Variants in TAFA2 observed in about 807,000 individuals in gnomAD.
The protein encoded by TAFA2 is chemokine-like protein TAFA-2.
Under a neutral mutation model 18.8 loss-of-function variants are expected in TAFA2, and 7 were observed. That is an observed-to-expected ratio of 0.37 (90% CI 0.21 to 0.70). The LOEUF is 0.70. TAFA2 is among the 30% of genes least tolerant of loss of function. The pLI is 0.53. For synonymous variants in TAFA2, 60 were observed against 54.2 expected (o/e 1.11, Z -0.47); for missense variants, 122 against 158.1 (o/e 0.77, Z 1.23).
intron 1 of TAFA2, among the ~76,000 whole-genome samples, chr12:61,888,844 C>T (rs1198690179): frequency 2.0e-5 from 3 of 152,152 alleles, no homozygotes; most frequent in Admixed American, 2.0e-4. Context: ...GAGTTCTGCT[C>T]TAGTATAAAC....
chr12:62,224,851 T>C (rs576602669), intron 1 of TAFA2, among the ~76,000 whole-genome samples: 2 of 152,182 alleles, frequency 1.3e-5, no homozygotes, highest in African/African-American at 2.4e-5. Flanking sequence ...ATTGATAAAA[T>C]AGTAAATTTT....
chr12:61,787,270 T>C (rs998897291), intron 2 of TAFA2, among the ~76,000 whole-genome samples: 4 of 151,554 alleles, frequency 2.6e-5, no homozygotes, highest in Non-Finnish European at 4.4e-5. Context: ...CAAAAGCTGG[T>C]CTTCTTCACC....
chr12:61,912,877 C>T (rs769857397), intron 1 of TAFA2, among the ~76,000 whole-genome samples: 28 of 152,246 alleles, frequency 1.8e-4, no homozygotes, highest in South Asian at 6.2e-4. Context: ...TGTGTAAGAG[C>T]TTGTAAGTTT....
chr12:61,976,601 C>T (rs1028139442), intron 1 of TAFA2, among the ~76,000 whole-genome samples: 2 of 151,868 alleles, frequency 1.3e-5, no homozygotes, highest in Admixed American at 6.6e-5. Flanking sequence ...AGGTTTGTTA[C>T]ATATGTATAT....
At chr12:61,941,549 A>C (rs976761201) in intron 1 of TAFA2, among the ~76,000 whole-genome samples, 25 of 152,324 alleles carry the variant, frequency 1.6e-4, no homozygotes, top group East Asian at 3.9e-4. Context: ...TACCGGGTTC[A>C]TCTCACTAGG....
intron 2 of TAFA2, among the ~76,000 whole-genome samples, chr12:61,831,735 T>C (rs998983084): frequency 8.5e-5 from 13 of 152,102 alleles, no homozygotes; most frequent in Non-Finnish European, 1.5e-5. Flanking sequence ...AGTTCTAGGG[T>C]ACATGTGCAC....
chr12:62,052,991 G>T (rs10506433), intron 1 of TAFA2, among the ~76,000 whole-genome samples: 15,192 of 152,188 alleles, frequency 0.1, 981 homozygotes, highest in Non-Finnish European at 0.14. Flanking sequence ...AGGTGAAAAG[G>T]TTAGTGGGTC....
intron 4 of TAFA2, among the ~76,000 whole-genome samples, chr12:61,746,498 C>A (rs1239890554): frequency 6.6e-5 from 10 of 152,052 alleles, no homozygotes; most frequent in Admixed American, 5.2e-4. Context: ...GAAGTGGATT[C>A]TCCCCAAAGT....
intron 1 of TAFA2, among the ~76,000 whole-genome samples, chr12:62,158,619 G>T (rs1233494668): frequency 1.3e-5 from 2 of 152,140 alleles, no homozygotes; most frequent in African/African-American, 4.8e-5. Context: ...TGCAAACTTT[G>T]GTTCTGTTCT....
intron 1 of TAFA2, among the ~76,000 whole-genome samples, chr12:62,144,580 A>T (rs1259337486): frequency 1.3e-5 from 2 of 152,236 alleles, no homozygotes; most frequent in Non-Finnish European, 2.9e-5. Flanking sequence ...GCCACAGAGC[A>T]ACTCTACTGA....
chr12:62,016,385 T>C (rs967337462), intron 1 of TAFA2, among the ~76,000 whole-genome samples: 1 of 152,152 alleles, frequency 6.6e-6, no homozygotes, highest in Admixed American at 6.5e-5. Context: ...TTCTCTCACC[T>C]CCAAAACACA....
intron 1 of TAFA2, among the ~76,000 whole-genome samples, chr12:62,241,246 A>G (rs1404183024): frequency 2.0e-5 from 3 of 152,204 alleles, no homozygotes; most frequent in Non-Finnish European, 2.9e-5. Context: ...AAGATAGGAA[A>G]TACTAGCAAT....
chr12:62,256,922 A>G (rs990711980), intron 1 of TAFA2, among the ~76,000 whole-genome samples: 8 of 152,120 alleles, frequency 5.3e-5, no homozygotes, highest in East Asian at 1.9e-4. Flanking sequence ...ATACAATTAC[A>G]TAAGATAAAA....
intron 4 of TAFA2, among the ~76,000 whole-genome samples, chr12:61,748,068 A>G (rs1002469855): frequency 2.0e-5 from 3 of 152,058 alleles, no homozygotes; most frequent in Middle Eastern, 3.4e-3. Context: ...GTGTTTTTCA[A>G]TCTACAGGTT....
At chr12:62,213,163 T>C (rs78037527) in intron 1 of TAFA2, among the ~76,000 whole-genome samples, 9,519 of 152,236 alleles carry the variant, frequency 0.063, 408 homozygotes, top group African/African-American at 0.11. Flanking sequence ...CATTCCCTTC[T>C]TACTTGGGTA....
At chr12:61,999,157 T>C (rs1282881209) in intron 1 of TAFA2, among the ~76,000 whole-genome samples, 1 of 152,188 alleles carries the variant, frequency 6.6e-6, no homozygotes, top group African/African-American at 2.4e-5. Flanking sequence ...TTCTATTTAA[T>C]TCTAGGGGGT....
chr12:62,038,509 T>C (rs1052004789), intron 1 of TAFA2, among the ~76,000 whole-genome samples: 1 of 152,174 alleles, frequency 6.6e-6, no homozygotes, highest in African/African-American at 2.4e-5. Context: ...CTAGTGATCA[T>C]TTAAATTTTA....
At chr12:61,898,559 T>C (rs1047504536) in intron 1 of TAFA2, among the ~76,000 whole-genome samples, 5 of 152,176 alleles carry the variant, frequency 3.3e-5, no homozygotes, top group African/African-American at 1.2e-4. Context: ...GCTTGGGGCT[T>C]CCACCCCATG....
intron 1 of TAFA2, among the ~76,000 whole-genome samples, chr12:62,113,309 C>G (rs1869817537): frequency 6.6e-6 from 1 of 152,190 alleles, no homozygotes; most frequent in Non-Finnish European, 1.5e-5. Context: ...GTATCACCAG[C>G]AGAAGCTGCA....
Sources: allele counts gnomAD v4.1 joint callset (sites outside exome capture counted in the v4.1 genomes callset), GRCh38; gene constraint gnomAD v4.1.1; transcripts MANE v1.5; gene names NCBI Gene and HGNC (gene_info 2026-07-23, HGNC 2026-07-21).